TRIM27: variants seen among roughly 807,000 people sequenced by gnomAD.
TRIM27 encodes tripartite motif containing 27.
A neutral mutation model predicts 57.6 loss-of-function variants in TRIM27; 12 were observed. The observed-to-expected ratio is 0.21, with a 90% CI of 0.13 to 0.34. The LOEUF (loss-of-function observed/expected upper bound fraction) is 0.34. Among genes scored for constraint, TRIM27 ranks in the 10% least tolerant of loss-of-function variants. The pLI, the probability that TRIM27 is intolerant of heterozygous loss-of-function variation, is 1.00. For missense variants in TRIM27, 403 were observed against 656.8 expected (o/e 0.61, Z 4.22); for synonymous variants, 266 against 259.0 (o/e 1.03, Z -0.26).
At chr6:28,907,001 T>G in intron 7 of TRIM27, 1 of 527,958 alleles carries the variant, frequency 1.9e-6, no homozygotes, top group Non-Finnish European at 3.3e-6. Context: ...TAATCCTTCT[T>G]TAACACCTGA....
chr6:28,908,726 T>TC (rs546934082), intron 6 of TRIM27, 82 bp downstream of exon 6: 1,079 of 1,370,538 alleles, frequency 7.9e-4, no homozygotes, highest in Non-Finnish European at 1.0e-3. Flanking sequence ...ATCACCCTTA[T>TC]CCCACGTTTC....
chr6:28,907,442 C>T, intron 6 of TRIM27, 180 bp from the exon 7 acceptor site: 3 of 719,804 alleles, frequency 4.2e-6, no homozygotes, highest in Non-Finnish European at 7.7e-6. Flanking sequence ...CAACCAAAAG[C>T]TTTAAGGGGA....
intron 2 of TRIM27, among the ~76,000 whole-genome samples, chr6:28,921,053 C>A (rs776213989): frequency 6.6e-6 from 1 of 152,132 alleles, no homozygotes; most frequent in Non-Finnish European, 1.5e-5. Flanking sequence ...CAACCCCCAC[C>A]ACCAACAGGA....
At chr6:28,915,592 G>A (rs12194037) in intron 3 of TRIM27, 10,798 of 152,220 alleles carry the variant, frequency 0.071, 486 homozygotes, top group East Asian at 0.1. Context: ...AACAGAGTGA[G>A]ACTTTGTCTA....
intron 3 of TRIM27, among the ~76,000 whole-genome samples, chr6:28,913,328 T>C (rs1469932989): frequency 6.7e-6 from 1 of 150,210 alleles, no homozygotes; most frequent in Admixed American, 6.7e-5. Context: ...CATAGATATA[T>C]ATAATAGTTT....
Position 28,903,149 on chromosome 6 carries a change from G to A in TRIM27, c.*921C>T, listed in dbSNP as rs891188789. On this transcript the variant is annotated 3_prime_UTR_variant, in exon 8 of 8. Transcript: ENST00000377199. The stretch of plus-strand genomic sequence containing the variant: ...CTCATGATCCAATGGCCATGGGGAC[G>A]GAGCTGCCCCTTGATAGGATGCACT... The A allele has an allele frequency of 4.3e-5, 10 of 231,968 alleles. No individual in the cohort carries two copies. The highest frequency in any genetic ancestry group is 2.2e-4 in the African/African-American group (10 of 45,228). The allele number at this position is 231,968 out of a possible 1,614,324, so 14.4% of individuals were successfully genotyped here.
intron 3 of TRIM27, among the ~76,000 whole-genome samples, chr6:28,914,582 G>T (rs868038041): frequency 4.3e-4 from 23 of 53,706 alleles, no homozygotes; most frequent in African/African-American, 1.1e-3. Flanking sequence ...TTGCAAGGGT[G>T]GGGGGGGGGG....
chr6:28,914,626 C>T (rs1376826696), intron 3 of TRIM27: 2 of 142,628 alleles, frequency 1.4e-5, no homozygotes, highest in South Asian at 2.2e-4. Context: ...ATGGGTACAA[C>T]GTACACTGGG....
chr6:28,916,561 A>AC (rs1265730303), intron 3 of TRIM27, among the ~76,000 whole-genome samples: 1 of 152,014 alleles, frequency 6.6e-6, no homozygotes, highest in Non-Finnish European at 1.5e-5. Context: ...TCAAAAAAAA[A>AC]AAAAAGTATG....
At chr6:28,914,957 C>CA (rs1443035134) in intron 3 of TRIM27, 3 of 151,780 alleles carry the variant, frequency 2.0e-5, no homozygotes, top group Non-Finnish European at 2.9e-5. Context: ...TGCTATCTGG[C>CA]ATATGAAGGC....
At chr6:28,916,676 G>A (rs1474726717) in intron 3 of TRIM27, among the ~76,000 whole-genome samples, 1 of 152,136 alleles carries the variant, frequency 6.6e-6, no homozygotes, top group Non-Finnish European at 1.5e-5. Context: ...GAAATGAGGA[G>A]TGATTGCTTA....
intron 3 of TRIM27, chr6:28,915,293 TAAAAAAA>T (rs9256952): frequency 5.4e-5 from 6 of 111,982 alleles, no homozygotes; most frequent in Admixed American, 2.9e-4. Flanking sequence ...AAAATATTCT[TAAAAAAA>T]AAAAAAAAAA....
At chr6:28,905,098 T>G (rs1772668421) in intron 7 of TRIM27, 1 of 164,532 alleles carries the variant, frequency 6.1e-6, no homozygotes, top group Non-Finnish European at 1.3e-5. Flanking sequence ...TTTGTAGAGA[T>G]GAGGTCTTAC....
At chr6:28,920,800 T>C (rs1277137590) in intron 2 of TRIM27, among the ~76,000 whole-genome samples, 1 of 152,068 alleles carries the variant, frequency 6.6e-6, no homozygotes, top group African/African-American at 2.4e-5. Flanking sequence ...GCATGGAAGA[T>C]TGTCACACAG....
In TRIM27 at chr6:28,904,031, G is replaced by T; in HGVS notation, c.*39C>A. On this transcript the variant is annotated 3_prime_UTR_variant, in exon 8 of 8. Transcript: ENST00000377199. This position sits in a 1 kb window ranked among gnomAD's most constrained non-coding sequence, Gnocchi z 6.1. ...ACAAGATGCCTTGTGCCTGGCGTAG[G>T]ATTACAGCCAACAGCCCTTTTGGCC... The T allele has an allele frequency of 1.3e-6, 2 of 1,552,872 alleles. No individual in the cohort carries two copies. Among genetic ancestry groups the T allele is most frequent in the Non-Finnish European group, 1.8e-6 (2 of 1,133,684 alleles).
In TRIM27 at chr6:28,904,738, C is replaced by G. The variant is rs559954209; in HGVS notation, c.947-73G>C. On this transcript the variant is annotated intron_variant, in intron 7 of 7. Coordinates refer to ENST00000377199, the MANE Select transcript of TRIM27 (RefSeq NM_006510.5). The surrounding 1 kb of genome is among the most constrained non-coding windows in gnomAD (Gnocchi z 6.1). ...TTTTAGAACACCCAGCGCCTTTCTACTACCTCCCCAATAATAAGAGGTTCC... is the reference window on the plus strand; with the variant it reads ...TTTTAGAACACCCAGCGCCTTTCTAGTACCTCCCCAATAATAAGAGGTTCC... 5 of 1,087,166 alleles carry G rather than the reference C, an allele frequency of 4.6e-6. No individual in the cohort carries two copies. The East Asian group carries it at 1.3e-4, about 28-fold the overall frequency. The allele number at this position is 1,087,166 out of a possible 1,614,324, so 67.3% of individuals were successfully genotyped here. A position where few individuals can be genotyped will look rare whatever the true frequency, so the allele number is the denominator to read the frequency against.
At position 28,904,996 on chromosome 6, in the gene TRIM27, C is replaced by T; in HGVS notation, c.947-331G>A. 2 of 295,388 alleles carry T rather than the reference C, an allele frequency of 6.8e-6. No homozygotes were observed. Among genetic ancestry groups the T allele is most frequent in the Non-Finnish European group, 1.3e-5 (2 of 157,990 alleles). The allele number at this position is 295,388 out of a possible 1,614,324, so 18.3% of individuals were successfully genotyped here. ...GGTGTGGTCATAGTTCATTGTAACC[C>T]CAAACTCCTGGGCTCAGGTGATTCT... On this transcript the variant is annotated intron_variant, in intron 7 of 7. Transcript: ENST00000377199. This position sits in a 1 kb window ranked among gnomAD's most constrained non-coding sequence, Gnocchi z 6.1.
Position 28,921,970 on chromosome 6 carries a change from C to G in TRIM27, c.438G>C (p.Gln146His), listed in dbSNP as rs1426628080. Residue 146 changes from glutamine (Q) to histidine (H), a missense_variant, in exon 2 of 8, where the codon CAG (glutamine) becomes CAC (histidine). Gln to His is a conservative substitution (Grantham distance 24). Coordinates refer to ENST00000377199, the MANE Select transcript of TRIM27 (RefSeq NM_006510.5). ...VEGFKEQIQN[Q>H]LDHLKRVKDL... ...CTTTCACTCTTTTTAAATGGTCGAGCTGGTTCTGGATTTGCTCCTGAGAAA... is the reference window on the plus strand; with the variant it reads ...CTTTCACTCTTTTTAAATGGTCGAGGTGGTTCTGGATTTGCTCCTGAGAAA... 7 of 1,612,948 alleles carry G rather than the reference C, an allele frequency of 4.3e-6. No individual in the cohort carries two copies. In the African/African-American group the frequency reaches 5.3e-5, roughly 12 times the overall value.
intron 4 of TRIM27, among the ~76,000 whole-genome samples, chr6:28,910,126 A>AAAAAAAAAAAAAAAAAAAC (rs1773081594): frequency 1.7e-5 from 1 of 59,154 alleles, no homozygotes; most frequent in Non-Finnish European, 2.9e-5. Context: ...GAAAAATGAA[A>AAAAAAAAAAAAAAAAAAAC]AAAAAAAAAA....
Sources: gnomAD v4.1 joint callset for allele counts (sites outside exome capture counted in the v4.1 genomes callset) on GRCh38, gnomAD v4.1.1 for gene constraint, Gnocchi (gnomAD v3.1) non-coding constraint, MANE v1.5 for transcripts, NCBI Gene and HGNC (gene_info 2026-07-23, HGNC 2026-07-21) for gene names.